Variants in GABBR2 observed in about 807,000 individuals in gnomAD.
GABBR2 encodes the protein G-protein coupled receptor 51.
GABBR2 carries 23 observed loss-of-function variants against 105.6 expected under a neutral mutation model. That is an observed-to-expected ratio of 0.22 (90% CI 0.16 to 0.31). GABBR2 has a LOEUF of 0.31. Ranked by LOEUF, GABBR2 falls within the 10% of genes least tolerant of loss-of-function variation. The pLI is 1.00. For missense variants in GABBR2, 734 were observed against 1,245.5 expected, an observed-to-expected ratio of 0.59 and a Z score of 6.18; for synonymous variants, 478 against 499.7, an observed-to-expected ratio of 0.96 and a Z score of 0.58.
At chr9:98,522,232 G>A (rs1463633466) in intron 3 of GABBR2, among the ~76,000 whole-genome samples, 1 of 151,890 alleles carries the variant, frequency 6.6e-6, no homozygotes, top group Non-Finnish European at 1.5e-5. Flanking sequence ...AATGACCAGA[G>A]AGAAAACAAA....
intron 1 of GABBR2, chr9:98,607,223 C>T: frequency 3.4e-6 from 5 of 1,470,188 alleles, no homozygotes; most frequent in Admixed American, 1.7e-5. Flanking sequence ...GCCTTACAAT[C>T]GACTACATTG....
intron 1 of GABBR2, among the ~76,000 whole-genome samples, chr9:98,696,741 A>G (rs1830758321): frequency 6.6e-6 from 1 of 152,200 alleles, no homozygotes; most frequent in Admixed American, 6.5e-5. Flanking sequence ...TCAGACATAA[A>G]CACTGCCATC....
At chr9:98,519,924 A>C (rs1827833375) in intron 3 of GABBR2, among the ~76,000 whole-genome samples, 1 of 152,176 alleles carries the variant, frequency 6.6e-6, no homozygotes, top group Admixed American at 6.5e-5. Context: ...TAGACTCAGG[A>C]TAAAGAGCCT....
chr9:98,387,162 G>A (rs957396564), intron 10 of GABBR2, among the ~76,000 whole-genome samples: 1 of 152,068 alleles, frequency 6.6e-6, no homozygotes, highest in African/African-American at 2.4e-5. Context: ...GTAGGGGGAG[G>A]GATTGGGAAC....
chr9:98,436,315 A>ATC (rs59876797), intron 7 of GABBR2, among the ~76,000 whole-genome samples: 1 of 87,030 alleles, frequency 1.1e-5, no homozygotes, highest in Non-Finnish European at 2.1e-5. Flanking sequence ...CCATAAATAT[A>ATC]CCATATATAT....
At chr9:98,430,380 G>A (rs186421591) in intron 7 of GABBR2, among the ~76,000 whole-genome samples, 4 of 151,788 alleles carry the variant, frequency 2.6e-5, no homozygotes, top group East Asian at 1.9e-4. Context: ...TGACCCTTTC[G>A]AGTCTTGCTT....
At chr9:98,511,959 G>C (rs1317700644) in intron 3 of GABBR2, among the ~76,000 whole-genome samples, 1 of 152,142 alleles carries the variant, frequency 6.6e-6, no homozygotes, top group Non-Finnish European at 1.5e-5. Context: ...AACCAAAAAA[G>C]AGAATTTTAG....
chr9:98,484,552 G>C (rs1009580706), intron 4 of GABBR2, among the ~76,000 whole-genome samples: 9 of 152,124 alleles, frequency 5.9e-5, no homozygotes, highest in Non-Finnish European at 1.3e-4. Flanking sequence ...CCAGGGTTGG[G>C]GAGAGGCCAA....
chr9:98,333,699 A>C (rs932667128), intron 13 of GABBR2, among the ~76,000 whole-genome samples: 1 of 152,210 alleles, frequency 6.6e-6, no homozygotes, highest in African/African-American at 2.4e-5. Flanking sequence ...CACATTTCAC[A>C]GGTCCAGGGG....
At chr9:98,505,456 G>A (rs10986470) in intron 3 of GABBR2, among the ~76,000 whole-genome samples, 18,219 of 150,560 alleles carry the variant, frequency 0.12, 1,779 homozygotes, top group East Asian at 0.51. Flanking sequence ...GTGTGTGTGT[G>A]TGCATGTGCG....
intron 16 of GABBR2, among the ~76,000 whole-genome samples, chr9:98,301,299 G>A (rs1242470017): frequency 6.6e-6 from 1 of 152,218 alleles, no homozygotes; most frequent in African/African-American, 2.4e-5. Context: ...CTCTAGATAT[G>A]TAGCATTGGA....
intron 17 of GABBR2, among the ~76,000 whole-genome samples, chr9:98,295,568 CAGG>C (rs1178199396): frequency 2.0e-5 from 3 of 152,004 alleles, no homozygotes; most frequent in Non-Finnish European, 2.9e-5. Flanking sequence ...ACTCTGTCTC[CAGG>C]AGGAGTGCCG....
chr9:98,467,500 G>C (rs1482576048), intron 6 of GABBR2, among the ~76,000 whole-genome samples: 1 of 152,172 alleles, frequency 6.6e-6, no homozygotes, highest in Non-Finnish European at 1.5e-5. Flanking sequence ...GTGAAGCTGG[G>C]CTCTCTGGGG....
chr9:98,401,069 C>T (rs1384139301), intron 8 of GABBR2, among the ~76,000 whole-genome samples: 1 of 151,886 alleles, frequency 6.6e-6, no homozygotes, highest in Non-Finnish European at 1.5e-5. Flanking sequence ...TTAAGAGTGC[C>T]CAAGAGAGAA....
At chr9:98,553,396 C>A (rs1331932458) in intron 2 of GABBR2, among the ~76,000 whole-genome samples, 2 of 151,886 alleles carry the variant, frequency 1.3e-5, no homozygotes, top group East Asian at 3.9e-4. Flanking sequence ...GAGTTCAAGA[C>A]CAGCCTGGGC....
Position 98,708,776 on chromosome 9 carries a change from G to T in GABBR2, c.-39C>A. 2 of 975,206 alleles carry T rather than the reference G, an allele frequency of 2.1e-6. No homozygotes were observed. The highest frequency in any genetic ancestry group is 1.2e-4 in the East Asian group (1 of 8,648). 60.4% of individuals were successfully genotyped at this position (975,206 alleles called of 1,614,324 possible). On this transcript the variant is annotated 5_prime_UTR_variant, in exon 1 of 19. Coordinates refer to ENST00000259455, the MANE Select transcript of GABBR2 (RefSeq NM_005458.8). ...CTGCGGGCGCCGGCTCACTCGGCCC[G>T]CATGGCCTGGCCCGGCCCGCCGCCC...
At chr9:98,439,503 C>T (rs989002522) in intron 7 of GABBR2, among the ~76,000 whole-genome samples, 6 of 152,184 alleles carry the variant, frequency 3.9e-5, no homozygotes, top group South Asian at 2.1e-4. Flanking sequence ...ACACTAATAT[C>T]GGGCTTCTAG....
intron 1 of GABBR2, among the ~76,000 whole-genome samples, chr9:98,621,002 T>TG (rs1554721694): frequency 6.6e-6 from 1 of 151,874 alleles, no homozygotes; most frequent in Non-Finnish European, 1.5e-5. Flanking sequence ...AATGGCTCAG[T>TG]GGGGGAAAAA....
At chr9:98,353,387 A>G (rs894944144) in intron 13 of GABBR2, among the ~76,000 whole-genome samples, 18 of 152,304 alleles carry the variant, frequency 1.2e-4, no homozygotes, top group Non-Finnish European at 1.8e-4. Context: ...CATCCATAAA[A>G]GTTGGAATAA....
Sources: gnomAD v4.1 joint callset for allele counts (sites outside exome capture counted in the v4.1 genomes callset) on GRCh38, gnomAD v4.1.1 for gene constraint, MANE v1.5 for transcripts, NCBI Gene and HGNC (gene_info 2026-07-23, HGNC 2026-07-21) for gene names.